Variants in PTPRD observed in about 807,000 individuals in gnomAD.
PTPRD encodes the protein protein tyrosine phosphatase receptor type D, also known as receptor-type tyrosine-protein phosphatase delta.
PTPRD carries 34 observed loss-of-function variants against 214.5 expected under a neutral mutation model. The ratio of observed to expected loss-of-function variants is 0.16; its 90% confidence interval spans 0.12 to 0.21. The LOEUF (loss-of-function observed/expected upper bound fraction) is 0.21, where lower values mean the gene tolerates loss of function less well. Ranked by LOEUF, PTPRD falls within the 10% of genes least tolerant of loss-of-function variation. The probability of loss-of-function intolerance (pLI) is 1.00; values close to 1 mark genes in which losing one functional copy is unlikely to be tolerated. For missense variants in PTPRD, 2,545 were observed against 2,398.7 expected (o/e 1.06, Z -1.27); for synonymous variants, 1,128 against 845.7 (o/e 1.33, Z -5.79).
intron 7 of PTPRD, among the ~76,000 whole-genome samples, chr9:9,597,218 C>G (rs1245192591): frequency 6.6e-6 from 1 of 151,858 alleles, no homozygotes; most frequent in Non-Finnish European, 1.5e-5. Flanking sequence ...AAAAGGCCAA[C>G]AGATATAACC....
At chr9:9,502,884 A>G (rs1412379343) in intron 8 of PTPRD, among the ~76,000 whole-genome samples, 1 of 151,922 alleles carries the variant, frequency 6.6e-6, no homozygotes, top group Non-Finnish European at 1.5e-5. Context: ...TAACTATTCT[A>G]TGGTGACAGA....
At chr9:9,620,881 G>T in intron 7 of PTPRD, among the ~76,000 whole-genome samples, 1 of 148,560 alleles carries the variant, frequency 6.7e-6, no homozygotes, top group East Asian at 1.9e-4. Flanking sequence ...AAAAAAAAAA[G>T]AGCAAAGCAT....
At chr9:8,486,647 G>C (rs530962795) in intron 27 of PTPRD, among the ~76,000 whole-genome samples, 1 of 152,192 alleles carries the variant, frequency 6.6e-6, no homozygotes, top group African/African-American at 2.4e-5. Flanking sequence ...CACACATAAA[G>C]GTTCATATCA....
intron 5 of PTPRD, among the ~76,000 whole-genome samples, chr9:9,812,209 T>C (rs190904447): frequency 2.6e-5 from 4 of 152,298 alleles, no homozygotes; most frequent in Non-Finnish European, 4.4e-5. Flanking sequence ...TTTATATTTA[T>C]GGGAAACCAA....
intron 5 of PTPRD, among the ~76,000 whole-genome samples, chr9:9,786,720 T>C (rs2098927182): frequency 6.6e-6 from 1 of 152,140 alleles, no homozygotes; most frequent in African/African-American, 2.4e-5. Context: ...CATGTACACA[T>C]ACGTAACAAA....
chr9:9,216,835 T>A (rs2099952592), intron 9 of PTPRD, among the ~76,000 whole-genome samples: 1 of 152,164 alleles, frequency 6.6e-6, no homozygotes, highest in African/African-American at 2.4e-5. Context: ...ACTGTGTTAA[T>A]ATAAAAATAA....
At chr9:9,278,287 T>A (rs1946391891) in intron 9 of PTPRD, among the ~76,000 whole-genome samples, 1 of 151,260 alleles carries the variant, frequency 6.6e-6, no homozygotes, top group Non-Finnish European at 1.5e-5. Context: ...TTCAGAATCT[T>A]TTATTATTAT....
intron 9 of PTPRD, among the ~76,000 whole-genome samples, chr9:9,276,470 A>G (rs1309135065): frequency 6.6e-6 from 1 of 151,330 alleles, no homozygotes; most frequent in Non-Finnish European, 1.5e-5. Context: ...GGTCTTGGCA[A>G]TTAGATGGCA....
At chr9:8,447,288 TGATAAG>T (rs2095769375) in intron 34 of PTPRD, among the ~76,000 whole-genome samples, 1 of 152,212 alleles carries the variant, frequency 6.6e-6, no homozygotes, top group African/African-American at 2.4e-5. Context: ...TCATTTGAGG[TGATAAG>T]TCTAACTTTA....
intron 29 of PTPRD, 26 bp downstream of exon 29, chr9:8,485,201 T>A (rs13286908): frequency 6.3e-7 from 1 of 1,592,054 alleles, no homozygotes. Context: ...TATCTGTGAT[T>A]TCTTACAAAT....
At chr9:9,239,814 C>A (rs772624148) in intron 9 of PTPRD, among the ~76,000 whole-genome samples, 6 of 152,160 alleles carry the variant, frequency 3.9e-5, no homozygotes, top group South Asian at 2.1e-4. Context: ...AGCTGTCTGA[C>A]CTCTATCCTT....
At chr9:8,462,401 T>C (rs1185730533) in intron 32 of PTPRD, among the ~76,000 whole-genome samples, 1 of 152,032 alleles carries the variant, frequency 6.6e-6, no homozygotes, top group Admixed American at 6.6e-5. Context: ...TTCCTTCCTC[T>C]CATAGTCTCC....
rs1336396630 is a variant in PTPRD, at chr9:9,720,333, TA to T, written c.-287+14199del. 3.9e-5 allele frequency among the ~76,000 whole-genome samples: 6 copies of T among 152,296 alleles called. No homozygotes were observed. In the East Asian group the frequency reaches 1.2e-3, roughly 29 times the overall value. ...CAACAGTCACAGAAGAAGTCAGTAT[TA>T]AAAGAGCCCTACAACTGAATCTCAA... On this transcript the variant is annotated intron_variant, in intron 7 of 45. Transcript: ENST00000381196.
intron 7 of PTPRD, among the ~76,000 whole-genome samples, chr9:9,656,485 ACTAAGAGAAAGAAG>A (rs2096517470): frequency 1.3e-5 from 2 of 152,216 alleles, no homozygotes; most frequent in South Asian, 4.1e-4. Context: ...AATACATATC[ACTAAGAGAAAGAAG>A]CTGATCTTAA....
chr9:9,211,559 A>AC (rs2099948728), intron 9 of PTPRD, among the ~76,000 whole-genome samples: 1 of 142,320 alleles, frequency 7.0e-6, no homozygotes, highest in South Asian at 2.3e-4. Context: ...ACACACACAC[A>AC]AGAGCTAAGG....
intron 7 of PTPRD, among the ~76,000 whole-genome samples, chr9:9,582,796 C>T (rs533241988): frequency 3.3e-5 from 5 of 151,948 alleles, no homozygotes; most frequent in Admixed American, 6.6e-5. Context: ...AATGTATTAA[C>T]GTGTTAGTAT....
At chr9:10,357,981 A>C (rs1013796285) in intron 2 of PTPRD, among the ~76,000 whole-genome samples, 1 of 152,138 alleles carries the variant, frequency 6.6e-6, no homozygotes, top group Non-Finnish European at 1.5e-5. Flanking sequence ...AGCAATAATG[A>C]TATATCTCCA....
At chr9:9,668,068 C>A (rs569852564) in intron 7 of PTPRD, among the ~76,000 whole-genome samples, 23 of 152,084 alleles carry the variant, frequency 1.5e-4, no homozygotes, top group Non-Finnish European at 2.9e-4. Context: ...TTGCCCTCAT[C>A]CCACCCAAAC....
At chr9:10,199,921 A>T (rs1214036020) in intron 3 of PTPRD, among the ~76,000 whole-genome samples, 1 of 152,020 alleles carries the variant, frequency 6.6e-6, no homozygotes, top group Non-Finnish European at 1.5e-5. Flanking sequence ...GCACACACAC[A>T]CACACACACA....
Sources: gnomAD v4.1 joint callset for allele counts (sites outside exome capture counted in the v4.1 genomes callset) on GRCh38, gnomAD v4.1.1 for gene constraint, MANE v1.5 for transcripts, NCBI Gene and HGNC (gene_info 2026-07-23, HGNC 2026-07-21) for gene names.